The following GNAQ variants were observed in gnomAD, a reference collection of about 807,000 sequenced individuals.
The protein encoded by GNAQ is G protein subunit alpha q, also known as guanine nucleotide-binding protein G(q) subunit alpha.
Under a neutral mutation model 43.9 loss-of-function variants are expected in GNAQ, and 8 were observed. That is an observed-to-expected ratio of 0.18 (90% CI 0.11 to 0.33). The LOEUF (loss-of-function observed/expected upper bound fraction) is 0.33, where lower values mean the gene tolerates loss of function less well. Ranked by LOEUF, GNAQ falls within the 10% of genes least tolerant of loss-of-function variation. GNAQ has a pLI of 1.00. For synonymous variants in GNAQ, 155 were observed against 170.7 expected, an observed-to-expected ratio of 0.91 and a Z score of 0.71; for missense variants, 158 against 450.8, an observed-to-expected ratio of 0.35 and a Z score of 5.88.
chr9:77,778,936 C>T lies in GNAQ; in HGVS notation c.735+15527G>A, dbSNP rs73653004. Among the ~76,000 whole-genome samples, 934 of 151,964 alleles carry T rather than the reference C, an allele frequency of 6.1e-3. 10 individuals are homozygous for T. The highest frequency in any genetic ancestry group is 0.021 in the African/African-American group (880 of 41,526). On this transcript the variant is annotated intron_variant, in intron 5 of 6. Transcript: ENST00000286548. The stretch of plus-strand genomic sequence containing the variant: ...AGCATCACAAAACATGAGGCAAAAA[C>T]TGATAGAAGGAAAACAGATAAACCC...
At chr9:78,024,531 T>C (rs1220123972) in intron 1 of GNAQ, among the ~76,000 whole-genome samples, 1 of 152,178 alleles carries the variant, frequency 6.6e-6, no homozygotes, top group Non-Finnish European at 1.5e-5. Flanking sequence ...GGTAAAATCA[T>C]CCGCATTCCC....
intron 5 of GNAQ, among the ~76,000 whole-genome samples, chr9:77,787,618 T>C (rs1431530581): frequency 1.3e-5 from 2 of 152,130 alleles, no homozygotes; most frequent in East Asian, 3.8e-4. Flanking sequence ...ACCTTATAAA[T>C]TTTACTAGAA....
chr9:77,980,210 T>TA (rs1823352435), intron 1 of GNAQ, among the ~76,000 whole-genome samples: 1 of 152,136 alleles, frequency 6.6e-6, no homozygotes, highest in African/African-American at 2.4e-5. Context: ...TCTGCAGGGG[T>TA]ACTATGAAGG....
intron 1 of GNAQ, among the ~76,000 whole-genome samples, chr9:77,927,784 A>G (rs1412779813): frequency 6.6e-6 from 1 of 152,198 alleles, no homozygotes; most frequent in Admixed American, 6.5e-5. Context: ...ATATTGTCAA[A>G]CTATCAGAAG....
intron 2 of GNAQ, among the ~76,000 whole-genome samples, chr9:77,854,800 C>G (rs1025633254): frequency 1.3e-5 from 2 of 152,146 alleles, no homozygotes; most frequent in Non-Finnish European, 2.9e-5. Context: ...GCATGCTATG[C>G]AGGACAATGG....
At chr9:77,955,708 TTAATC>T (rs1160421188) in intron 1 of GNAQ, among the ~76,000 whole-genome samples, 1 of 152,218 alleles carries the variant, frequency 6.6e-6, no homozygotes, top group South Asian at 2.1e-4. Context: ...ATTTTATGAA[TTAATC>T]TAAACTCTTT....
intron 1 of GNAQ, among the ~76,000 whole-genome samples, chr9:78,012,451 C>T (rs1282463459): frequency 6.6e-6 from 1 of 151,982 alleles, no homozygotes; most frequent in Non-Finnish European, 1.5e-5. Context: ...TTGTAATCCA[C>T]CCGCCTTGGC....
chr9:77,728,490 G>A, intron 6 of GNAQ, 24 bp downstream of exon 6: 2 of 1,560,398 alleles, frequency 1.3e-6, no homozygotes, highest in Non-Finnish European at 1.8e-6. Flanking sequence ...CAGCTACTGA[G>A]CTGTGGTATG....
At chr9:77,790,492 C>T (rs1826550669) in intron 5 of GNAQ, among the ~76,000 whole-genome samples, 2 of 152,156 alleles carry the variant, frequency 1.3e-5, no homozygotes, top group African/African-American at 4.8e-5. Context: ...ATATTTTAGA[C>T]TAATTGTTTA....
At chr9:78,015,796 A>G (rs765724891) in intron 1 of GNAQ, among the ~76,000 whole-genome samples, 2 of 152,152 alleles carry the variant, frequency 1.3e-5, no homozygotes, top group Admixed American at 6.5e-5. Flanking sequence ...TAATTTTAGA[A>G]TATCTGTAAA....
rs76186532 is a variant in GNAQ at position 77,850,742 on chromosome 9, T to C, written c.322-34972A>G. ...ATGTCCACACTTTCTCTCTTTGAGG[T>C]TCTCTTTGCCTTACATGTCTTTTGT... On this transcript the variant is annotated intron_variant, in intron 2 of 6. Transcript: ENST00000286548. 4.2e-3 allele frequency among the ~76,000 whole-genome samples: 646 copies of C among 152,268 alleles called. 4 individuals are homozygous for C. The highest frequency in any genetic ancestry group is 0.015 in the African/African-American group (619 of 41,550).
At chr9:78,009,830 C>G (rs1022727466) in intron 1 of GNAQ, among the ~76,000 whole-genome samples, 1 of 151,516 alleles carries the variant, frequency 6.6e-6, no homozygotes, top group Non-Finnish European at 1.5e-5. Flanking sequence ...AAAAAAAATC[C>G]AAGCAAATAC....
chr9:77,940,648 A>G (rs1425693699), intron 1 of GNAQ, among the ~76,000 whole-genome samples: 9 of 152,276 alleles, frequency 5.9e-5, no homozygotes, highest in Non-Finnish European at 4.4e-5. Flanking sequence ...AAAATACTAC[A>G]AAGAGTTAAT....
intron 1 of GNAQ, among the ~76,000 whole-genome samples, chr9:77,937,380 G>A (rs1829246449): frequency 6.6e-6 from 1 of 152,028 alleles, no homozygotes; most frequent in South Asian, 2.1e-4. Context: ...GGAGGTTGCA[G>A]TGAGCCAAGA....
chr9:77,862,698 T>C (rs1827874796), intron 2 of GNAQ, among the ~76,000 whole-genome samples: 1 of 152,232 alleles, frequency 6.6e-6, no homozygotes, highest in South Asian at 2.1e-4. Context: ...TCTTGGGGAT[T>C]AACATTTGGT....
At chr9:77,841,461 C>T (rs1029627557) in intron 2 of GNAQ, among the ~76,000 whole-genome samples, 11 of 152,262 alleles carry the variant, frequency 7.2e-5, no homozygotes, top group Admixed American at 5.2e-4. Flanking sequence ...AATCAGTATT[C>T]GGCAATTTTC....
At chr9:77,930,764 G>A (rs1437850121) in intron 1 of GNAQ, among the ~76,000 whole-genome samples, 4 of 152,008 alleles carry the variant, frequency 2.6e-5, no homozygotes, top group African/African-American at 9.7e-5. Flanking sequence ...CCTCTAATGT[G>A]CTGCTAAATG....
At chr9:77,968,921 C>T (rs1485964726) in intron 1 of GNAQ, among the ~76,000 whole-genome samples, 1 of 152,178 alleles carries the variant, frequency 6.6e-6, no homozygotes, top group Non-Finnish European at 1.5e-5. Context: ...AGTGATGCCA[C>T]CAGCAAATGC....
rs185848710 is a variant in GNAQ at position 77,893,753 on chromosome 9, T to C, written c.321+28408A>G. ...AACTAGTAGGTCATACAAGTACTTATAGTACAAGCTTTAAGTAAATTTATG... is the reference window on the plus strand; with the variant it reads ...AACTAGTAGGTCATACAAGTACTTACAGTACAAGCTTTAAGTAAATTTATG... On this transcript the variant is annotated intron_variant, in intron 2 of 6. Transcript: ENST00000286548. Among the ~76,000 whole-genome samples the C allele has an allele frequency of 1.9e-3, 296 of 152,274 alleles. 2 individuals carry two copies. Among genetic ancestry groups the C allele is most frequent in the African/African-American group, 6.2e-3 (256 of 41,556 alleles).
Sources: gnomAD v4.1 joint callset for allele counts (sites outside exome capture counted in the v4.1 genomes callset) on GRCh38, gnomAD v4.1.1 for gene constraint, MANE v1.5 for transcripts, NCBI Gene and HGNC (gene_info 2026-07-23, HGNC 2026-07-21) for gene names.